Variants in OPALIN observed in about 807,000 individuals in gnomAD.
The protein encoded by OPALIN is transmembrane protein 10.
A neutral mutation model predicts 17.8 loss-of-function variants in OPALIN; 15 were observed. The ratio of observed to expected loss-of-function variants is 0.84; its 90% CI spans 0.56 to 1.29. OPALIN has a LOEUF of 1.29. Ranked by LOEUF, OPALIN falls within the 50% of genes most tolerant of loss-of-function variation. The pLI is 0.00. For synonymous variants in OPALIN, 62 were observed against 63.8 expected (o/e 0.97, Z 0.14); for missense variants, 170 against 176.0 (o/e 0.97, Z 0.19).
chr10:96,357,394 C>A (rs780922454), intron 1 of OPALIN, among the ~76,000 whole-genome samples: 2 of 152,180 alleles, frequency 1.3e-5, no homozygotes, highest in African/African-American at 2.4e-5. Flanking sequence ...AAACATCGCA[C>A]AAATTAGGGT....
At position 96,349,767 on chromosome 10, in the gene OPALIN, C is replaced by T. The variant is rs1477418016; in HGVS notation, c.132G>A (p.Leu44=). The part of the protein sequence containing the change: ...AGIPLLVATA[L]LVALLFTLIH... Reference sequence around the variant, plus strand: ...TCAAAGTAAATAGTAAAGCCACCAGCAGGGCTGTGGCCACCAGCAATGGTA... The same window carrying T: ...TCAAAGTAAATAGTAAAGCCACCAGTAGGGCTGTGGCCACCAGCAATGGTA... Residue 44 remains leucine (L), a synonymous_variant, in exon 4 of 6, where the codon CTG becomes CTA. Transcript: ENST00000371172. The T allele has an allele frequency of 8.7e-6, 14 of 1,613,906 alleles. No homozygotes were observed. The highest frequency in any genetic ancestry group is 1.2e-5 in the Non-Finnish European group (14 of 1,179,896).
At chr10:96,349,648 A>G in intron 4 of OPALIN, 59 bp downstream of exon 4, 9 of 1,566,672 alleles carry the variant, frequency 5.7e-6, no homozygotes, top group Non-Finnish European at 6.9e-6. Flanking sequence ...TCCAAAAGCC[A>G]GTTCACTGAA....
chr10:96,346,150 C>T, intron 5 of OPALIN, 33 bp from the exon 6 acceptor site: 1 of 1,597,650 alleles, frequency 6.3e-7, no homozygotes, highest in Non-Finnish European at 8.6e-7. Context: ...TTAAAAACTA[C>T]AGCAGAGAAT....
intron 5 of OPALIN, among the ~76,000 whole-genome samples, chr10:96,346,635 T>A (rs1056505668): frequency 6.6e-6 from 1 of 152,208 alleles, no homozygotes; most frequent in African/African-American, 2.4e-5. Flanking sequence ...TAACTCTTTT[T>A]CTACTTTATT....
intron 1 of OPALIN, chr10:96,357,304 CGG>C: frequency 4.0e-6 from 1 of 249,116 alleles, no homozygotes; most frequent in Non-Finnish European, 6.4e-6. Context: ...TATCAACATT[CGG>C]ATGACGGAGA....
intron 2 of OPALIN, among the ~76,000 whole-genome samples, chr10:96,352,895 C>G (rs1315083449): frequency 6.6e-6 from 1 of 152,196 alleles, no homozygotes; most frequent in Non-Finnish European, 1.5e-5. Flanking sequence ...TCTTTCTCTC[C>G]AGATGGACTT....
At chr10:96,353,306 G>C in intron 2 of OPALIN, 1 of 1,457,290 alleles carries the variant, frequency 6.9e-7, no homozygotes, top group Non-Finnish European at 9.5e-7. Context: ...AGGGAGCCCT[G>C]TTCCAAACTT....
intron 1 of OPALIN, among the ~76,000 whole-genome samples, chr10:96,358,614 C>T (rs954144681): frequency 2.6e-5 from 4 of 152,136 alleles, no homozygotes; most frequent in African/African-American, 7.2e-5. Context: ...CAGATAAAAT[C>T]GTTGATTAGA....
intron 3 of OPALIN, 104 bp from the exon 4 acceptor site, chr10:96,349,930 A>T (rs865910526): frequency 8.3e-7 from 1 of 1,209,478 alleles, no homozygotes; most frequent in Non-Finnish European, 1.1e-6. Context: ...TGCATGGATC[A>T]TAAACGTCAT....
intron 1 of OPALIN, chr10:96,357,087 G>A (rs1422428866): frequency 3.0e-6 from 3 of 985,276 alleles, no homozygotes; most frequent in Admixed American, 6.1e-5. Flanking sequence ...CTTGCTCAAG[G>A]GACCTAACCA....
rs34053855 is a variant in OPALIN, at chr10:96,344,467, A to AAT, written c.*1473_*1474insAT. On this transcript the variant is annotated 3_prime_UTR_variant, in exon 6 of 6. Transcript: ENST00000371172. ...GAAGAGTACAGAAGAAAAAAAAAAA[A>AAT]GGCTGGGGATGGATTGGAAAATGGG... is the stretch of plus-strand genomic sequence containing the variant. 575 of 150,084 alleles carry AAT rather than the reference A, an allele frequency of 3.8e-3. 7 individuals are homozygous for AAT. Among genetic ancestry groups the AAT allele is most frequent in the South Asian group, 0.012 (58 of 4,778 alleles). 9.3% of individuals were successfully genotyped at this position (150,084 alleles called of 1,614,324 possible). A position where few individuals can be genotyped will look rare whatever the true frequency, so the allele number is the denominator to read the frequency against.
At chr10:96,357,595 T>C (rs1338988282) in intron 1 of OPALIN, among the ~76,000 whole-genome samples, 1 of 152,210 alleles carries the variant, frequency 6.6e-6, no homozygotes, top group Non-Finnish European at 1.5e-5. Flanking sequence ...GGCTCAGTTT[T>C]CCCATTCTCA....
rs1845285881 is a variant in OPALIN at position 96,345,758 on chromosome 10, G to C, written c.*183C>G. 3.5e-6 allele frequency: 2 copies of C among 571,196 alleles called. No individual in the cohort carries two copies. The highest frequency in any genetic ancestry group is 6.3e-5 in the Admixed American group (2 of 31,872). 35.4% of individuals were successfully genotyped at this position (571,196 alleles called of 1,614,324 possible). On this transcript the variant is annotated 3_prime_UTR_variant, in exon 6 of 6. Transcript: ENST00000371172. ...ACTAACTAAAGCACAAGATCTGAGA[G>C]TTGGAATTAACCATGTTGGGGATGT...
At position 96,357,572 on chromosome 10, in the gene OPALIN, A is replaced by G. The variant is rs1589396605; in HGVS notation, c.3+1322T>C. Among the ~76,000 whole-genome samples the G allele has an allele frequency of 5.9e-5, 9 of 152,108 alleles. No individual in the cohort carries two copies. In the South Asian group the frequency reaches 1.9e-3, roughly 32 times the overall value. The stretch of plus-strand genomic sequence containing the variant: ...TCTGGTCTCCATTTTCTCACAACAA[A>G]TCTATTCTCCAAGGCTCAGTTTTCC... On this transcript the variant is annotated intron_variant, in intron 1 of 5. Transcript: ENST00000371172.
rs920810763 is a variant in OPALIN, at chr10:96,353,370, C to T, written c.39+1885G>A. The T allele has an allele frequency of 1.0e-4, 168 of 1,604,000 alleles. 1 individual carries two copies. Among genetic ancestry groups the T allele is most frequent in the Non-Finnish European group, 1.2e-4 (135 of 1,172,174 alleles). On this transcript the variant is annotated intron_variant, in intron 2 of 5. Coordinates refer to ENST00000371172, the MANE Select transcript of OPALIN (RefSeq NM_033207.5). The stretch of plus-strand genomic sequence containing the variant: ...TCTGTCCCACTTCCCAGGGCACTGG[C>T]ATTCCCAGGCTACCCAGCTGCACTG...
At position 96,359,002 on chromosome 10, in the gene OPALIN, C is replaced by T. The variant is rs1845919972; in HGVS notation, c.-106G>A. 3 of 1,380,522 alleles carry T rather than the reference C, an allele frequency of 2.2e-6. No homozygotes were observed. Among genetic ancestry groups the T allele is most frequent in the Admixed American group, 3.4e-5 (2 of 59,452 alleles). The allele number at this position is 1,380,522 out of a possible 1,614,324, so 85.5% of individuals were successfully genotyped here. On this transcript the variant is annotated 5_prime_UTR_variant, in exon 1 of 6. Coordinates refer to ENST00000371172, the MANE Select transcript of OPALIN (RefSeq NM_033207.5). ...TTCATTTGTAGGAACAGTTAACTGACAAAGCTGCAGAGGCAGGCTGAGAGG... is the reference window on the plus strand; with the variant it reads ...TTCATTTGTAGGAACAGTTAACTGATAAAGCTGCAGAGGCAGGCTGAGAGG...
At chr10:96,358,842 T>C (rs937643816) in intron 1 of OPALIN, 52 bp downstream of exon 1, 12 of 1,597,846 alleles carry the variant, frequency 7.5e-6, no homozygotes, top group African/African-American at 1.3e-5. Flanking sequence ...TGGAGGTTTT[T>C]TATAGTAAGA....
intron 1 of OPALIN, chr10:96,356,855 C>G (rs986005995): frequency 5.1e-6 from 5 of 984,016 alleles, no homozygotes; most frequent in Non-Finnish European, 6.0e-6. Flanking sequence ...AACCAAGCCT[C>G]AAGAATTTGA....
intron 1 of OPALIN, 30 bp from the exon 2 acceptor site, chr10:96,355,320 C>A (rs532384592): frequency 6.2e-7 from 1 of 1,610,612 alleles, no homozygotes; most frequent in African/African-American, 1.3e-5. Context: ...ATTAAAGCTC[C>A]CAGGGATGGT....
Sources: gnomAD v4.1 joint callset for allele counts (sites outside exome capture counted in the v4.1 genomes callset) on GRCh38, gnomAD v4.1.1 for gene constraint, MANE v1.5 for transcripts, NCBI Gene and HGNC (gene_info 2026-07-23, HGNC 2026-07-21) for gene names.